Variants in CFAP57 observed in about 807,000 individuals in gnomAD.
CFAP57 encodes the protein cilia and flagella associated protein 57.
A neutral mutation model predicts 146.8 loss-of-function variants in CFAP57; 116 were observed. The ratio of observed to expected loss-of-function variants is 0.79; its 90% CI spans 0.68 to 0.92. CFAP57 has a LOEUF of 0.92. CFAP57 is among the 40% of genes least tolerant of loss of function. CFAP57 has a pLI of 0.00. For synonymous variants in CFAP57, 518 were observed against 552.8 expected, an observed-to-expected ratio of 0.94 and a Z score of 0.88; for missense variants, 1,377 against 1,527.2, an observed-to-expected ratio of 0.90 and a Z score of 1.64.
At chr1:43,239,498 G>T (rs373828972) in intron 21 of CFAP57, among the ~76,000 whole-genome samples, 2 of 152,176 alleles carry the variant, frequency 1.3e-5, no homozygotes. Context: ...TTGCCGGGGG[G>T]CCTTTACAGC....
intron 16 of CFAP57, 33 bp downstream of exon 16, chr1:43,223,030 G>C (rs781361179): frequency 4.4e-5 from 67 of 1,527,312 alleles, no homozygotes; most frequent in Non-Finnish European, 5.9e-5. Context: ...ACCTAGGGTG[G>C]GCGAGGGTGT....
At chr1:43,209,467 C>T (rs1166884323) in intron 10 of CFAP57, among the ~76,000 whole-genome samples, 6 of 152,160 alleles carry the variant, frequency 3.9e-5, no homozygotes, top group Non-Finnish European at 8.8e-5. Flanking sequence ...CAGAACAGTG[C>T]TTGGCACATA....
At chr1:43,174,553 C>T (rs1013413430) in intron 2 of CFAP57, among the ~76,000 whole-genome samples, 2 of 152,172 alleles carry the variant, frequency 1.3e-5, no homozygotes, top group Non-Finnish European at 2.9e-5. Flanking sequence ...TGTGGTGGCT[C>T]ATGCCTGTAA....
At chr1:43,205,366 C>A (rs1182487504) in intron 9 of CFAP57, among the ~76,000 whole-genome samples, 1 of 152,246 alleles carries the variant, frequency 6.6e-6, no homozygotes, top group Non-Finnish European at 1.5e-5. Context: ...TAGCACCTGA[C>A]TTTCCCACAG....
chr1:43,242,046 C>A (rs1474255700), intron 21 of CFAP57, among the ~76,000 whole-genome samples: 1 of 152,144 alleles, frequency 6.6e-6, no homozygotes, highest in Non-Finnish European at 1.5e-5. Context: ...CTGTCGACTC[C>A]CCTCCTTTCA....
chr1:43,243,122 A>C (rs1645988684), intron 21 of CFAP57, 105 bp from the exon 22 acceptor site: 1 of 1,349,908 alleles, frequency 7.4e-7, no homozygotes, highest in Non-Finnish European at 9.8e-7. Flanking sequence ...CTGGATCCAG[A>C]CCTAACCCTG....
intron 6 of CFAP57, among the ~76,000 whole-genome samples, chr1:43,191,415 G>A (rs769101730): frequency 3.3e-5 from 5 of 151,850 alleles, no homozygotes; most frequent in African/African-American, 9.7e-5. Context: ...GTGAAACCCC[G>A]TCTCTACTAA....
chr1:43,190,337 CT>C (rs1269988124), intron 6 of CFAP57, among the ~76,000 whole-genome samples: 1 of 129,950 alleles, frequency 7.7e-6, no homozygotes, highest in Admixed American at 9.3e-5. Flanking sequence ...GTGGCGCAAT[CT>C]TGGCTCACTG....
At chr1:43,179,052 G>T (rs191150755) in intron 2 of CFAP57, among the ~76,000 whole-genome samples, 3 of 152,050 alleles carry the variant, frequency 2.0e-5, no homozygotes, top group African/African-American at 7.2e-5. Flanking sequence ...ACCAAACACC[G>T]CATGTTCTCA....
intron 7 of CFAP57, among the ~76,000 whole-genome samples, chr1:43,198,158 C>T (rs1317529327): frequency 6.6e-6 from 1 of 152,176 alleles, no homozygotes; most frequent in African/African-American, 2.4e-5. Flanking sequence ...TGGACCCCCA[C>T]CCCCTACTGT....
At chr1:43,214,031 G>A (rs1231534417) in intron 11 of CFAP57, among the ~76,000 whole-genome samples, 1 of 151,610 alleles carries the variant, frequency 6.6e-6, no homozygotes, top group Non-Finnish European at 1.5e-5. Flanking sequence ...GGATTACCGT[G>A]CCTGCCACCA....
chr1:43,206,999 C>A, intron 10 of CFAP57, 67 bp downstream of exon 10: 1 of 1,532,190 alleles, frequency 6.5e-7, no homozygotes, highest in Non-Finnish European at 9.0e-7. Flanking sequence ...CCCGTGCTTA[C>A]AGCACAAAGT....
At chr1:43,239,441 G>C (rs765430717) in intron 21 of CFAP57, among the ~76,000 whole-genome samples, 9 of 151,978 alleles carry the variant, frequency 5.9e-5, no homozygotes, top group Admixed American at 1.3e-4. Flanking sequence ...CAGTGACAGG[G>C]CTGTAGAGGG....
At chr1:43,191,586 CA>C (rs10672819) in intron 6 of CFAP57, among the ~76,000 whole-genome samples, 920 of 65,024 alleles carry the variant, frequency 0.014, 11 homozygotes, top group African/African-American at 0.04. Context: ...GACTCCGTCT[CA>C]AAAAAAAAAA....
At chr1:43,192,736 C>T (rs529967657) in intron 6 of CFAP57, among the ~76,000 whole-genome samples, 1 of 151,004 alleles carries the variant, frequency 6.6e-6, no homozygotes, top group African/African-American at 2.4e-5. Flanking sequence ...ACCAGCCTGA[C>T]CAACATGGCG....
chr1:43,194,387 G>T (rs1643733386), intron 6 of CFAP57, among the ~76,000 whole-genome samples: 1 of 151,732 alleles, frequency 6.6e-6, no homozygotes, highest in African/African-American at 2.4e-5. Context: ...CTCATCTTTA[G>T]CTTTCATTAT....
At chr1:43,218,620 A>G (rs939325447) in intron 12 of CFAP57, among the ~76,000 whole-genome samples, 4 of 151,322 alleles carry the variant, frequency 2.6e-5, no homozygotes, top group African/African-American at 4.9e-5. Context: ...AAAAAAAGAG[A>G]AAAAAAGGAA....
intron 18 of CFAP57, 92 bp downstream of exon 18, chr1:43,227,218 C>G (rs1281569628): frequency 2.2e-6 from 3 of 1,345,550 alleles, no homozygotes; most frequent in East Asian, 2.8e-5. Flanking sequence ...AGGAGAAGCT[C>G]TTCTCACAGT....
chr1:43,196,066 A>G (rs1441848996), intron 6 of CFAP57, among the ~76,000 whole-genome samples: 2 of 152,226 alleles, frequency 1.3e-5, no homozygotes, highest in African/African-American at 4.8e-5. Context: ...ACAGTATGAA[A>G]TACTTATCTT....
Sources: allele counts gnomAD v4.1 joint callset (sites outside exome capture counted in the v4.1 genomes callset), GRCh38; gene constraint gnomAD v4.1.1; transcripts MANE v1.5; gene names NCBI Gene and HGNC (gene_info 2026-07-23, HGNC 2026-07-21).